The following SPOCK1 variants were observed in gnomAD, a reference collection of about 807,000 sequenced individuals.
SPOCK1 encodes SPARC (osteonectin), cwcv and kazal like domains proteoglycan 1.
SPOCK1 carries 23 observed loss-of-function variants against 55.3 expected under a neutral mutation model. The observed-to-expected ratio is 0.42, with a 90% CI of 0.30 to 0.59. SPOCK1 has a LOEUF of 0.59. Among genes scored for constraint, SPOCK1 ranks in the 20% least tolerant of loss-of-function variants. SPOCK1 has a pLI of 0.22. For missense variants in SPOCK1, 499 were observed against 552.5 expected, an observed-to-expected ratio of 0.90 and a Z score of 0.97; for synonymous variants, 226 against 221.0, an observed-to-expected ratio of 1.02 and a Z score of -0.20.
chr5:137,458,729 T>C (rs1290363444), intron 2 of SPOCK1, among the ~76,000 whole-genome samples: 1 of 152,230 alleles, frequency 6.6e-6, no homozygotes, highest in African/African-American at 2.4e-5. Context: ...GTGTATCACA[T>C]TGTCCCTTTG....
rs1754774607 is a variant in SPOCK1, at chr5:137,172,607, T to C, written c.233-31913A>G. Among the ~76,000 whole-genome samples, 3 of 152,152 alleles carry C rather than the reference T, an allele frequency of 2.0e-5. 1 individual carries two copies. Among genetic ancestry groups the C allele is most frequent in the Admixed American group, 2.0e-4 (3 of 15,268 alleles). ...GACACTAGGCCTACAGTGCACACAG[T>C]GCTAGAAGTTGGTGGGCAATCCTAG... On this transcript the variant is annotated intron_variant, in intron 3 of 10. Transcript: ENST00000394945.
At chr5:136,998,268 G>A (rs1422160220) in intron 6 of SPOCK1, among the ~76,000 whole-genome samples, 1 of 152,220 alleles carries the variant, frequency 6.6e-6, no homozygotes, top group Non-Finnish European at 1.5e-5. Flanking sequence ...AGAAATACAG[G>A]TTGCAATATC....
intron 2 of SPOCK1, among the ~76,000 whole-genome samples, chr5:137,305,012 T>C (rs1489369901): frequency 1.3e-5 from 2 of 152,194 alleles, no homozygotes; most frequent in South Asian, 2.1e-4. Flanking sequence ...CAGAGCCACA[T>C]TCCCTCTGAA....
chr5:136,992,767 G>A, intron 6 of SPOCK1, 167 bp from the exon 7 acceptor site: 1 of 520,656 alleles, frequency 1.9e-6, no homozygotes, highest in South Asian at 3.0e-5. Flanking sequence ...CAAACAAAGA[G>A]TGGGACAAAA....
At chr5:137,464,982 A>G (rs1325736378) in intron 2 of SPOCK1, among the ~76,000 whole-genome samples, 1 of 152,212 alleles carries the variant, frequency 6.6e-6, no homozygotes, top group African/African-American at 2.4e-5. Flanking sequence ...ACTCAGACAA[A>G]AAGACAAAGC....
rs536475627 is a variant in SPOCK1, at chr5:137,292,341, C to A, written c.187-25286G>T. ...CGAATGGGAACTACCCTAAGCTAAA[C>A]CCCTAAAAGTGTTGCTCAGCATCCA... On this transcript the variant is annotated intron_variant, in intron 2 of 10. Coordinates refer to ENST00000394945, the MANE Select transcript of SPOCK1 (RefSeq NM_004598.4). Among the ~76,000 whole-genome samples, 169 of 148,148 alleles carry A rather than the reference C, an allele frequency of 1.1e-3. 1 individual carries two copies. The highest frequency in any genetic ancestry group is 3.7e-3 in the African/African-American group (147 of 40,182).
intron 2 of SPOCK1, among the ~76,000 whole-genome samples, chr5:137,339,051 G>T (rs1750355414): frequency 6.6e-6 from 1 of 152,142 alleles, no homozygotes; most frequent in Non-Finnish European, 1.5e-5. Context: ...TGTCTGCTTT[G>T]TAATATAGTC....
At chr5:137,429,978 G>T (rs1356897780) in intron 2 of SPOCK1, among the ~76,000 whole-genome samples, 1 of 152,230 alleles carries the variant, frequency 6.6e-6, no homozygotes, top group Non-Finnish European at 1.5e-5. Flanking sequence ...TGTGAAGTGT[G>T]TCTTCAATTC....
In SPOCK1 at chr5:137,145,261, CT is replaced by C. The variant is rs373414119; in HGVS notation, c.233-4568del. ...CCAGTTAATTACTGGTTCCATGTAA[CT>C]TTTTTTGATTAATTTTATTTTTAAG... On this transcript the variant is annotated intron_variant, in intron 3 of 10. Coordinates refer to ENST00000394945, the MANE Select transcript of SPOCK1 (RefSeq NM_004598.4). 8.6e-4 allele frequency among the ~76,000 whole-genome samples: 131 copies of C among 152,266 alleles called. 2 individuals are homozygous for C. In the East Asian group the frequency reaches 0.02, roughly 24 times the overall value.
chr5:137,482,158 C>T (rs1561547154), intron 2 of SPOCK1, among the ~76,000 whole-genome samples: 1 of 152,148 alleles, frequency 6.6e-6, no homozygotes. Context: ...GCAGAAAATG[C>T]CCAAAGGAAC....
At chr5:137,246,492 T>G (rs541803100) in intron 3 of SPOCK1, among the ~76,000 whole-genome samples, 1 of 152,344 alleles carries the variant, frequency 6.6e-6, no homozygotes, top group South Asian at 2.1e-4. Flanking sequence ...CTTATTACAT[T>G]GGCTTTTCCC....
At chr5:137,418,628 C>T (rs971072162) in intron 2 of SPOCK1, among the ~76,000 whole-genome samples, 3 of 152,186 alleles carry the variant, frequency 2.0e-5, no homozygotes, top group Non-Finnish European at 4.4e-5. Context: ...TGTTCATATC[C>T]TTCACCCACT....
intron 2 of SPOCK1, among the ~76,000 whole-genome samples, chr5:137,497,847 AAC>A (rs113944229): frequency 9.4e-5 from 14 of 149,150 alleles, no homozygotes; most frequent in Admixed American, 2.7e-4. Context: ...CGCCTCCCTC[AAC>A]ACACACACAC....
intron 5 of SPOCK1, among the ~76,000 whole-genome samples, chr5:137,077,535 A>G (rs1281279399): frequency 6.6e-6 from 1 of 152,232 alleles, no homozygotes; most frequent in Non-Finnish European, 1.5e-5. Context: ...ACATGTTGCA[A>G]TTAGCTAAGC....
intron 2 of SPOCK1, among the ~76,000 whole-genome samples, chr5:137,497,482 G>A (rs1245932379): frequency 6.6e-6 from 1 of 152,152 alleles, no homozygotes; most frequent in Non-Finnish European, 1.5e-5. Flanking sequence ...CCCTAGAAGG[G>A]CATGGCCCTG....
chr5:137,256,461 C>T lies in SPOCK1; in HGVS notation c.232+10549G>A, dbSNP rs142456993. On this transcript the variant is annotated intron_variant, in intron 3 of 10. Coordinates refer to ENST00000394945, the MANE Select transcript of SPOCK1 (RefSeq NM_004598.4). ...TGAGGGCCTTCTTGTTGTCTCAGGA[C>T]ATGGGGGCAGGCATCACATGGTGAC... Among the ~76,000 whole-genome samples, 636 of 152,294 alleles carry T rather than the reference C, an allele frequency of 4.2e-3. 3 individuals are homozygous for T. Among genetic ancestry groups the T allele is most frequent in the South Asian group, 7.9e-3 (38 of 4,830 alleles).
intron 2 of SPOCK1, among the ~76,000 whole-genome samples, chr5:137,403,006 G>C (rs1391517840): frequency 6.6e-6 from 1 of 152,214 alleles, no homozygotes; most frequent in African/African-American, 2.4e-5. Context: ...GCTCAGAAAT[G>C]TGCCAAAGGT....
intron 3 of SPOCK1, among the ~76,000 whole-genome samples, chr5:137,201,072 A>G (rs937209705): frequency 1.3e-5 from 2 of 152,246 alleles, no homozygotes; most frequent in Admixed American, 1.3e-4. Context: ...GAAACAATAC[A>G]GACATCAAGG....
chr5:137,429,124 T>A (rs1450625971), intron 2 of SPOCK1, among the ~76,000 whole-genome samples: 1 of 152,218 alleles, frequency 6.6e-6, no homozygotes, highest in Non-Finnish European at 1.5e-5. Context: ...TCCAGCAGTC[T>A]TTGCTTTTCT....
Sources: gnomAD v4.1 joint callset for allele counts (sites outside exome capture counted in the v4.1 genomes callset) on GRCh38, gnomAD v4.1.1 for gene constraint, MANE v1.5 for transcripts, NCBI Gene and HGNC (gene_info 2026-07-23, HGNC 2026-07-21) for gene names.